NRXN3: variants seen among roughly 807,000 people sequenced by gnomAD.
NRXN3 encodes neurexin III.
NRXN3 carries 32 observed loss-of-function variants against 137.6 expected under a neutral mutation model. The ratio of observed to expected loss-of-function variants is 0.23; its 90% confidence interval spans 0.18 to 0.31. The LOEUF (loss-of-function observed/expected upper bound fraction) is 0.31. NRXN3 is among the 10% of genes least tolerant of loss of function. The pLI is 1.00. For missense variants in NRXN3, 1,574 were observed against 2,062.5 expected, an observed-to-expected ratio of 0.76 and a Z score of 4.59; for synonymous variants, 798 against 784.5, an observed-to-expected ratio of 1.02 and a Z score of -0.29.
At chr14:78,816,748 G>C (rs531553330) in intron 10 of NRXN3, among the ~76,000 whole-genome samples, 1 of 152,038 alleles carries the variant, frequency 6.6e-6, no homozygotes, top group Non-Finnish European at 1.5e-5. Context: ...CTCCAAAGAG[G>C]TTTTACAAAG....
intron 15 of NRXN3, among the ~76,000 whole-genome samples, chr14:79,195,574 G>C (rs1305150997): frequency 3.3e-5 from 5 of 152,138 alleles, no homozygotes; most frequent in Admixed American, 3.3e-4. Flanking sequence ...TGGTTTATGT[G>C]TCTGAACACC....
chr14:78,639,036 CTGAT>C (rs2097591356), intron 4 of NRXN3, among the ~76,000 whole-genome samples: 1 of 152,228 alleles, frequency 6.6e-6, no homozygotes, highest in Admixed American at 6.5e-5. Context: ...CCTCCAACCT[CTGAT>C]TGCAGTTGCA....
chr14:79,738,651 C>T (rs1013688090), intron 19 of NRXN3, among the ~76,000 whole-genome samples: 5 of 152,122 alleles, frequency 3.3e-5, no homozygotes, highest in African/African-American at 9.7e-5. Context: ...CTCCGCCTCC[C>T]GTCTTCAAGT....
chr14:79,438,100 G>A lies in NRXN3; in HGVS notation c.3263-29121G>A, dbSNP rs72690729. ...CTATTGCCTCTGGCTGGAAAAACTC[G>A]GGTAGGTGCAAGGTGTCCACCAGCA... On this transcript the variant is annotated intron_variant, in intron 15 of 20. Transcript: ENST00000335750. Among the ~76,000 whole-genome samples the A allele has an allele frequency of 7.4e-3, 1,128 of 152,236 alleles. 9 individuals carry two copies. The highest frequency in any genetic ancestry group is 0.014 in the Middle Eastern group (4 of 294).
chr14:79,432,591 T>G (rs1451917232), intron 15 of NRXN3, among the ~76,000 whole-genome samples: 2 of 152,232 alleles, frequency 1.3e-5, no homozygotes, highest in African/African-American at 4.8e-5. Context: ...TTCCCCATTT[T>G]CAATCACACA....
At chr14:78,479,481 C>G (rs369877759) in intron 4 of NRXN3, among the ~76,000 whole-genome samples, 1 of 152,104 alleles carries the variant, frequency 6.6e-6, no homozygotes, top group African/African-American at 2.4e-5. Context: ...GTTTAAGAAA[C>G]GTTGATTTAA....
intron 15 of NRXN3, among the ~76,000 whole-genome samples, chr14:79,057,779 A>C (rs567805963): frequency 1.3e-5 from 2 of 152,310 alleles, no homozygotes; most frequent in Non-Finnish European, 2.9e-5. Flanking sequence ...ACGGGAGGTC[A>C]GTGAGTGGAG....
chr14:78,746,670 G>A (rs1336749350), intron 8 of NRXN3, among the ~76,000 whole-genome samples: 2 of 152,196 alleles, frequency 1.3e-5, no homozygotes, highest in East Asian at 3.9e-4. Flanking sequence ...AACTAAATAG[G>A]ACTTTCTGTA....
At chr14:78,179,872 T>A (rs1373637830) in intron 1 of NRXN3, among the ~76,000 whole-genome samples, 1 of 139,860 alleles carries the variant, frequency 7.2e-6, no homozygotes, top group African/African-American at 2.6e-5. Context: ...TTAGACAGAA[T>A]CCTGCTCTTG....
chr14:78,852,877 T>TG (rs2099046387), intron 10 of NRXN3, among the ~76,000 whole-genome samples: 1 of 140,492 alleles, frequency 7.1e-6, no homozygotes, highest in Non-Finnish European at 1.6e-5. Context: ...GTGGTTAGTT[T>TG]CTTTTTTTTT....
At chr14:78,405,469 A>G (rs951371885) in intron 4 of NRXN3, among the ~76,000 whole-genome samples, 1 of 151,996 alleles carries the variant, frequency 6.6e-6, no homozygotes, top group Non-Finnish European at 1.5e-5. Flanking sequence ...ATATTCTATT[A>G]TTTTCTCAGC....
At chr14:78,657,840 C>A (rs1434501324) in intron 6 of NRXN3, among the ~76,000 whole-genome samples, 1 of 151,820 alleles carries the variant, frequency 6.6e-6, no homozygotes, top group African/African-American at 2.4e-5. Context: ...TGCTTTTTTT[C>A]TTCTTTAAAA....
chr14:78,676,583 C>A (rs2098009860), intron 6 of NRXN3, among the ~76,000 whole-genome samples: 1 of 152,102 alleles, frequency 6.6e-6, no homozygotes, highest in Admixed American at 6.6e-5. Flanking sequence ...CAAATTGAAG[C>A]AGCAAGTGCT....
chr14:79,593,421 G>A (rs1033417147), intron 16 of NRXN3, among the ~76,000 whole-genome samples: 2 of 152,060 alleles, frequency 1.3e-5, no homozygotes, highest in East Asian at 1.9e-4. Flanking sequence ...ACCAGGTCAG[G>A]AGATCGAGAC....
At chr14:78,723,376 A>G (rs1335920183) in intron 8 of NRXN3, among the ~76,000 whole-genome samples, 1 of 152,222 alleles carries the variant, frequency 6.6e-6, no homozygotes, top group African/African-American at 2.4e-5. Context: ...TTAGTTAGTA[A>G]TCAATTACAC....
intron 15 of NRXN3, chr14:79,314,167 C>G (rs1256496031): frequency 1.4e-5 from 2 of 147,636 alleles, no homozygotes; most frequent in Non-Finnish European, 3.0e-5. Context: ...GTTCATCTCA[C>G]TAGGGAGTGC....
At chr14:79,354,236 C>A (rs2093338626) in intron 15 of NRXN3, among the ~76,000 whole-genome samples, 1 of 152,026 alleles carries the variant, frequency 6.6e-6, no homozygotes. Context: ...TTCAAAGGAA[C>A]AAACTATAAA....
At chr14:79,333,310 A>AGGCTCCTGGT (rs1269441764) in intron 15 of NRXN3, among the ~76,000 whole-genome samples, 1 of 152,138 alleles carries the variant, frequency 6.6e-6, no homozygotes, top group East Asian at 1.9e-4. Context: ...AGTGACTGCA[A>AGGCTCCTGGT]GGCTCCTGGT....
intron 15 of NRXN3, among the ~76,000 whole-genome samples, chr14:79,437,536 C>T (rs1190710652): frequency 6.6e-6 from 1 of 152,150 alleles, no homozygotes; most frequent in African/African-American, 2.4e-5. Flanking sequence ...ACCAATGCAG[C>T]CATGTCAGAT....
Sources: allele counts gnomAD v4.1 joint callset (sites outside exome capture counted in the v4.1 genomes callset), GRCh38; gene constraint gnomAD v4.1.1; transcripts MANE v1.5; gene names NCBI Gene and HGNC (gene_info 2026-07-23, HGNC 2026-07-21).